Variants in HSPA12A observed in about 807,000 individuals in gnomAD.
HSPA12A encodes the protein heat shock protein family A (Hsp70) member 12A, also known as heat shock 70 kDa protein 12A.
A neutral mutation model predicts 69.2 loss-of-function variants in HSPA12A; 28 were observed. The ratio of observed to expected loss-of-function variants is 0.40; its 90% confidence interval spans 0.30 to 0.55. HSPA12A has a LOEUF of 0.55. HSPA12A is among the 20% of genes least tolerant of loss of function. HSPA12A has a pLI of 0.38. For missense variants in HSPA12A, 686 were observed against 900.7 expected, an observed-to-expected ratio of 0.76 and a Z score of 3.05; for synonymous variants, 345 against 370.5, an observed-to-expected ratio of 0.93 and a Z score of 0.79.
chr10:116,835,036 G>A (rs1845684020), intron 1 of HSPA12A: 9 of 1,223,232 alleles, frequency 7.4e-6, no homozygotes, highest in South Asian at 4.1e-5. Context: ...TAGGAGGGGG[G>A]AAAAGAGTTG....
intron 2 of HSPA12A, among the ~76,000 whole-genome samples, chr10:116,797,813 A>G (rs138273404): frequency 8.9e-4 from 135 of 152,236 alleles, no homozygotes; most frequent in Non-Finnish European, 1.8e-3. Context: ...TGCAACAGGA[A>G]CACACAGGCC....
At chr10:116,830,309 A>G (rs1845589363) in intron 2 of HSPA12A, 1 of 152,106 alleles carries the variant, frequency 6.6e-6, no homozygotes, top group Non-Finnish European at 1.5e-5. Context: ...AGGCAGGGAA[A>G]CCATGTAACA....
intron 2 of HSPA12A, among the ~76,000 whole-genome samples, chr10:116,764,859 G>T (rs939338431): frequency 6.6e-6 from 1 of 152,188 alleles, no homozygotes; most frequent in Non-Finnish European, 1.5e-5. Flanking sequence ...AATTTTGGAT[G>T]TAGTACTCTA....
chr10:116,747,204 T>C (rs185661322), upstream of HSPA12A, among the ~76,000 whole-genome samples: 616 of 152,286 alleles, frequency 4.0e-3, 3 homozygotes, highest in African/African-American at 0.014. Context: ...ACATGTACAA[T>C]GTGAGCTGCT....
chr10:116,730,355 A>G (rs1440579501), intron 1 of HSPA12A, among the ~76,000 whole-genome samples: 1 of 152,196 alleles, frequency 6.6e-6, no homozygotes, highest in Non-Finnish European at 1.5e-5. Context: ...TACCTTGGTG[A>G]GGTCAAGGCC....
intron 1 of HSPA12A, among the ~76,000 whole-genome samples, chr10:116,848,750 TCCC>T (rs1845956590): frequency 6.6e-6 from 1 of 151,932 alleles, no homozygotes; most frequent in African/African-American, 2.4e-5. Context: ...CCAAGGCCAT[TCCC>T]CCATTTCCGT....
At chr10:116,714,743 C>T (rs1323559444) in intron 1 of HSPA12A, among the ~76,000 whole-genome samples, 2 of 152,214 alleles carry the variant, frequency 1.3e-5, no homozygotes, top group Non-Finnish European at 2.9e-5. Context: ...CCTTCCTCTG[C>T]AGTCTCTTCT....
rs1851318305 is a variant in HSPA12A at position 116,736,447 on chromosome 10, G to A, written c.40+5983C>T. Among the ~76,000 whole-genome samples the A allele has an allele frequency of 2.0e-5, 3 of 152,164 alleles. No homozygotes were observed. The South Asian group carries it at 6.2e-4, about 32-fold the overall frequency. ...TCTGGCTATGAGAGGCTCGATAATAGCCCCCTGGTACCGATGACTATGTTA... is the reference window on the plus strand; with the variant it reads ...TCTGGCTATGAGAGGCTCGATAATAACCCCCTGGTACCGATGACTATGTTA... On this transcript the variant is annotated intron_variant, in intron 1 of 11. Coordinates refer to ENST00000369209, the MANE Select transcript of HSPA12A (RefSeq NM_025015.3).
At chr10:116,728,975 C>T (rs1412307679) in intron 1 of HSPA12A, among the ~76,000 whole-genome samples, 2 of 152,210 alleles carry the variant, frequency 1.3e-5, no homozygotes, top group Non-Finnish European at 2.9e-5. Context: ...CAAGGGCCCT[C>T]ACACATCCCT....
intron 2 of HSPA12A, among the ~76,000 whole-genome samples, chr10:116,785,306 T>C (rs192606778): frequency 3.9e-5 from 6 of 152,040 alleles, no homozygotes; most frequent in African/African-American, 1.4e-4. Context: ...TCGGGAACGT[T>C]CTGGCCACCA....
intron 2 of HSPA12A, among the ~76,000 whole-genome samples, chr10:116,790,345 C>T (rs1398659198): frequency 6.6e-6 from 1 of 151,890 alleles, no homozygotes; most frequent in Non-Finnish European, 1.5e-5. Context: ...CCTCGTGATC[C>T]GCCTGCCTCA....
intron 5 of HSPA12A, among the ~76,000 whole-genome samples, chr10:116,694,312 C>G (rs1488445425): frequency 1.3e-5 from 2 of 152,190 alleles, no homozygotes; most frequent in Non-Finnish European, 2.9e-5. Context: ...GCCAAGCAAG[C>G]CATAACCCCC....
intron 2 of HSPA12A, among the ~76,000 whole-genome samples, chr10:116,759,262 T>C (rs1256903608): frequency 6.6e-6 from 1 of 152,230 alleles, no homozygotes; most frequent in Non-Finnish European, 1.5e-5. Context: ...TCTGTCTCCA[T>C]CTCTGTGGCT....
intron 2 of HSPA12A, among the ~76,000 whole-genome samples, chr10:116,706,830 G>A (rs561543866): frequency 5.3e-5 from 8 of 152,264 alleles, no homozygotes; most frequent in South Asian, 2.1e-4. Context: ...TGTATTCACC[G>A]ATTCACTAGC....
At chr10:116,699,025 G>C (rs1283021891) in intron 4 of HSPA12A, among the ~76,000 whole-genome samples, 1 of 152,136 alleles carries the variant, frequency 6.6e-6, no homozygotes, top group Non-Finnish European at 1.5e-5. Context: ...AGGTTTCAGG[G>C]GCAACAGTAG....
At chr10:116,732,352 G>GAAAGGA (rs112877124) in intron 1 of HSPA12A, among the ~76,000 whole-genome samples, 1 of 147,904 alleles carries the variant, frequency 6.8e-6, no homozygotes, top group Admixed American at 6.8e-5. Flanking sequence ...AAGAAAGAAA[G>GAAAGGA]AGACAGAGGG....
At chr10:116,693,674 CT>C (rs1374914115) in intron 5 of HSPA12A, among the ~76,000 whole-genome samples, 2 of 152,164 alleles carry the variant, frequency 1.3e-5, no homozygotes, top group African/African-American at 4.8e-5. Context: ...CTCATTTTTC[CT>C]ATTGTTTCAA....
chr10:116,778,162 G>C (rs552806453), intron 2 of HSPA12A, among the ~76,000 whole-genome samples: 1 of 152,282 alleles, frequency 6.6e-6, no homozygotes, highest in South Asian at 2.1e-4. Context: ...GGAAAGGGGA[G>C]GTACATGCCC....
At chr10:116,739,068 G>C (rs995776899) in intron 1 of HSPA12A, among the ~76,000 whole-genome samples, 5 of 152,202 alleles carry the variant, frequency 3.3e-5, no homozygotes, top group African/African-American at 1.2e-4. Context: ...GGTGGCTGAA[G>C]GAAGTAGGGC....
Sources: gnomAD v4.1 joint callset for allele counts (sites outside exome capture counted in the v4.1 genomes callset) on GRCh38, gnomAD v4.1.1 for gene constraint, MANE v1.5 for transcripts, NCBI Gene and HGNC (gene_info 2026-07-23, HGNC 2026-07-21) for gene names.